PFKM: variants seen among roughly 807,000 people sequenced by gnomAD.
PFKM encodes the protein phosphofructokinase, muscle.
PFKM carries 58 observed loss-of-function variants against 95.5 expected under a neutral mutation model. The ratio of observed to expected loss-of-function variants is 0.61; its 90% CI spans 0.49 to 0.76. The LOEUF is 0.76. Among genes scored for constraint, PFKM ranks in the 30% least tolerant of loss-of-function variants. The pLI, the probability that PFKM is intolerant of heterozygous loss-of-function variation, is 0.00. For synonymous variants in PFKM, 336 were observed against 357.2 expected, an observed-to-expected ratio of 0.94 and a Z score of 0.67; for missense variants, 678 against 1,005.4, an observed-to-expected ratio of 0.67 and a Z score of 4.40.
chr12:48,141,303 C>T lies in PFKM; in HGVS notation c.1342-8C>T. On this transcript the variant is annotated splice_region_variant and splice_polypyrimidine_tract_variant and intron_variant, in intron 14 of 22. Coordinates refer to ENST00000359794, the MANE Select transcript of PFKM (RefSeq NM_000289.6). Reference sequence around the variant, plus strand: ...CCTTGTGCAGAGCTCTGTGGCTTATCCCCACAGATAGAGGAAGCTGGCTGG... The same window carrying T: ...CCTTGTGCAGAGCTCTGTGGCTTATTCCCACAGATAGAGGAAGCTGGCTGG... 1 of 1,612,928 alleles carries T rather than the reference C, an allele frequency of 6.2e-7. No homozygotes were observed. The highest frequency in any genetic ancestry group is 1.1e-5 in the South Asian group (1 of 91,064).
chr12:48,129,090 G>A (rs1325876488), intron 2 of PFKM, among the ~76,000 whole-genome samples: 7 of 151,914 alleles, frequency 4.6e-5, no homozygotes, highest in Admixed American at 2.0e-4. Context: ...GCTCCTGGAA[G>A]AGAGTTCTTT....
At chr12:48,142,248 A>C in intron 17 of PFKM, 182 bp downstream of exon 17, 1 of 678,550 alleles carries the variant, frequency 1.5e-6, no homozygotes, top group Middle Eastern at 4.0e-4. Flanking sequence ...CAAGGCAGGC[A>C]GATCACTTGG....
chr12:48,112,931 G>A (rs1199349540), intron 3 of PFKM, among the ~76,000 whole-genome samples: 1 of 152,112 alleles, frequency 6.6e-6, no homozygotes, highest in Admixed American at 6.5e-5. Flanking sequence ...GGTAAGGGGT[G>A]CATGATCAGT....
upstream of PFKM, among the ~76,000 whole-genome samples, chr12:48,114,816 G>A (rs547933398): frequency 1.1e-3 from 161 of 152,226 alleles, no homozygotes; most frequent in Middle Eastern, 3.4e-3. Context: ...CAAAAGTGCC[G>A]TTTTCTGGCC....
chr12:48,105,812 T>C (rs1946509440), upstream of PFKM: 1 of 593,926 alleles, frequency 1.7e-6, no homozygotes. Flanking sequence ...CGGCCTCAGG[T>C]AGCCTAACGG....
At chr12:48,133,580 C>G (rs1949748441) in intron 6 of PFKM, 100 bp downstream of exon 6, 2 of 1,061,146 alleles carry the variant, frequency 1.9e-6, no homozygotes, top group Non-Finnish European at 2.9e-6. Flanking sequence ...GCTATGGTGA[C>G]TATAATGGCC....
chr12:48,134,194 G>A lies in PFKM; in HGVS notation c.594-38G>A, dbSNP rs41291963. On this transcript the variant is annotated intron_variant, in intron 6 of 22. Transcript: ENST00000359794. ...GGGTGGTGGCTTGATCTTGGCCATA[G>A]GGTCACTTGGACTGTGTCATATGTC... 7.7e-3 allele frequency: 12,350 copies of A among 1,593,824 alleles called. 175 individuals are homozygous for A. The highest frequency in any genetic ancestry group is 0.048 in the African/African-American group (3,598 of 74,624).
At position 48,110,793 on chromosome 12, in the gene PFKM, G is replaced by A. The variant is rs373754736; in HGVS notation, c.205+2599G>A. Among the ~76,000 whole-genome samples the A allele has an allele frequency of 5.3e-5, 8 of 152,290 alleles. 1 individual carries two copies. The East Asian group carries it at 1.2e-3, about 22-fold the overall frequency. On this transcript the variant is annotated intron_variant, in intron 3 of 24. Coordinates refer to the PFKM transcript ENST00000340802. ...GTTTTTTCCAACATCTTGCCTATCA[G>A]TATAAGCAGCTCTGCCTGTACTATA... is the stretch of plus-strand genomic sequence containing the variant.
rs781161499 is a variant in PFKM at position 48,145,680 on chromosome 12, G to A, written c.2315G>A (p.Arg772Gln). 14 of 1,614,190 alleles carry A rather than the reference G, an allele frequency of 8.7e-6. No homozygotes were observed. Among genetic ancestry groups the A allele is most frequent in the Middle Eastern group, 1.6e-4 (1 of 6,062 alleles). The change falls in exon 23 of 23, where the codon CGG (arginine) becomes CAG (glutamine). Residue 772 changes from arginine to glutamine, a missense_variant. Coordinates refer to ENST00000359794, the MANE Select transcript of PFKM (RefSeq NM_000289.6). This position sits in a 1 kb window ranked among gnomAD's most constrained non-coding sequence, Gnocchi z 4.3. The part of the protein sequence containing the change: ...SDHAHLEHIT[R>Q]KRSGEAAV The stretch of plus-strand genomic sequence containing the variant: ...CATGCCCACCTGGAGCACATCACCC[G>A]GAAGCGGTCCGGGGAAGCTGCCGTC...
rs537327893 is a variant in PFKM at position 48,145,703 on chromosome 12, G to T, written c.2338G>T (p.Val780Phe). The T allele has an allele frequency of 1.2e-6, 2 of 1,614,126 alleles. No homozygotes were observed. The highest frequency in any genetic ancestry group is 1.7e-6 in the Non-Finnish European group (2 of 1,179,986). The stretch of plus-strand genomic sequence containing the variant: ...CCGGAAGCGGTCCGGGGAAGCTGCC[G>T]TCTAAACCTCTCTGGAGTGAGGGGA... Reference protein sequence around the residue: ...ITRKRSGEAAV With the variant: ...ITRKRSGEAAF The change falls in exon 23 of 23, where the codon GTC becomes TTC. Residue 780 changes from valine to phenylalanine, a missense_variant. Physicochemically the swap from Val to Phe is conservative, Grantham distance 50. Transcript: ENST00000359794. The surrounding 1 kb of genome is among the most constrained non-coding windows in gnomAD (Gnocchi z 4.3).
intron 15 of PFKM, 64 bp downstream of exon 15, chr12:48,141,445 T>G (rs929760165): frequency 2.2e-6 from 3 of 1,379,118 alleles, no homozygotes; most frequent in Non-Finnish European, 2.1e-6. Flanking sequence ...GGATGTGGGT[T>G]CATTATGCCA....
upstream of PFKM, among the ~76,000 whole-genome samples, chr12:48,119,065 C>A (rs1357762356): frequency 6.6e-6 from 1 of 152,130 alleles, no homozygotes; most frequent in Non-Finnish European, 1.5e-5. Flanking sequence ...GTGTTGAAAA[C>A]AAGAGAAGCA....
intron 3 of PFKM, among the ~76,000 whole-genome samples, chr12:48,131,025 A>G (rs1488180301): frequency 6.6e-6 from 1 of 152,194 alleles, no homozygotes; most frequent in Non-Finnish European, 1.5e-5. Context: ...CCCCCTAGGA[A>G]GCAGGTTGGA....
At chr12:48,112,427 A>C (rs931023819) in intron 3 of PFKM, among the ~76,000 whole-genome samples, 2 of 152,096 alleles carry the variant, frequency 1.3e-5, no homozygotes, top group Non-Finnish European at 2.9e-5. Context: ...TTATGTTGAG[A>C]TAGGTAATGG....
In PFKM at chr12:48,130,351, C is replaced by T. The variant is rs1349381182; in HGVS notation, c.86-12C>T. 5.0e-6 allele frequency: 8 copies of T among 1,609,526 alleles called. No individual in the cohort carries two copies. Among genetic ancestry groups the T allele is most frequent in the South Asian group, 1.1e-5 (1 of 90,990 alleles). On this transcript the variant is annotated splice_polypyrimidine_tract_variant and intron_variant, in intron 2 of 22. Coordinates refer to ENST00000359794, the MANE Select transcript of PFKM (RefSeq NM_000289.6). ...GCAACCTCTCCGTGACTTCTTTTGT[C>T]CCTCCTTTCAGGTATGAATGCTGCT...
chr12:48,138,577 C>G (rs917540755), intron 11 of PFKM, among the ~76,000 whole-genome samples: 3 of 152,160 alleles, frequency 2.0e-5, no homozygotes, highest in African/African-American at 7.2e-5. Flanking sequence ...AGGCACTGCC[C>G]CACAGAGCTG....
chr12:48,114,843 G>A (rs540112052), upstream of PFKM, among the ~76,000 whole-genome samples: 5 of 152,268 alleles, frequency 3.3e-5, no homozygotes, highest in Admixed American at 6.5e-5. Flanking sequence ...AACCATTGTC[G>A]AGTTTGTATT....
At chr12:48,106,171 C>G (rs763966220) in intron 1 of PFKM, 4 of 700,456 alleles carry the variant, frequency 5.7e-6, no homozygotes, top group Non-Finnish European at 1.0e-5. Context: ...GGCAGGAGGT[C>G]AAAGAACAGA....
intron 2 of PFKM, 95 bp downstream of exon 2, chr12:48,122,954 A>T (rs900854852): frequency 2.3e-6 from 3 of 1,296,332 alleles, no homozygotes; most frequent in Middle Eastern, 3.8e-4. Context: ...CTGTAGGTTC[A>T]CGGGAATTTT....
Sources: gnomAD v4.1 joint callset for allele counts (sites outside exome capture counted in the v4.1 genomes callset) on GRCh38, gnomAD v4.1.1 for gene constraint, Gnocchi (gnomAD v3.1) non-coding constraint, MANE v1.5 for transcripts, NCBI Gene and HGNC (gene_info 2026-07-23, HGNC 2026-07-21) for gene names.